The following FAM110B variants were observed in gnomAD, a reference collection of about 807,000 sequenced individuals.
FAM110B encodes protein FAM110B.
FAM110B carries 6 observed loss-of-function variants against 20.4 expected under a neutral mutation model. The ratio of observed to expected loss-of-function variants is 0.29; its 90% CI spans 0.16 to 0.58. FAM110B has a LOEUF of 0.58. Ranked by LOEUF, FAM110B falls within the 20% of genes least tolerant of loss-of-function variation. FAM110B has a pLI of 0.90. For missense variants in FAM110B, 434 were observed against 498.2 expected, an observed-to-expected ratio of 0.87 and a Z score of 1.23; for synonymous variants, 226 against 214.1, an observed-to-expected ratio of 1.06 and a Z score of -0.49.
chr8:58,146,476 G>A lies in FAM110B; in HGVS notation c.246G>A (p.Lys82=). ...CCGTGAAGCCCGCCGTGCTGGCCAA[G>A]CCCCCGGTGTGCCCGGCTGCCAAGC... ...QEPVKPAVLA[K]PPVCPAAKRA... Residue 82 remains lysine (K), a synonymous_variant, in exon 4 of 4, where the codon AAG becomes AAA. Coordinates refer to ENST00000519262, the MANE Select transcript of FAM110B (RefSeq NM_001377989.1). 6.2e-7 allele frequency: 1 copy of A among 1,613,578 alleles called. No homozygotes were observed. Among genetic ancestry groups the A allele is most frequent in the Non-Finnish European group, 8.5e-7 (1 of 1,179,748 alleles).
chr8:58,044,311 C>G (rs947963171), intron 2 of FAM110B, among the ~76,000 whole-genome samples: 3 of 152,306 alleles, frequency 2.0e-5, no homozygotes, highest in African/African-American at 7.2e-5. Context: ...GTCTGTGCAG[C>G]CCTTCAAAAG....
intron 3 of FAM110B, among the ~76,000 whole-genome samples, chr8:58,104,446 G>GA (rs1806860724): frequency 6.6e-6 from 1 of 152,178 alleles, no homozygotes; most frequent in South Asian, 2.1e-4. Context: ...GGAGTGGAGG[G>GA]AAAGGCTGGG....
intron 1 of FAM110B, among the ~76,000 whole-genome samples, chr8:57,996,118 ATTC>A: frequency 6.6e-6 from 1 of 152,226 alleles, no homozygotes; most frequent in South Asian, 2.1e-4. Context: ...AAGCATAGTT[ATTC>A]TAGAATAAAG....
At chr8:58,002,743 T>A (rs1187646734) in intron 1 of FAM110B, among the ~76,000 whole-genome samples, 1 of 152,206 alleles carries the variant, frequency 6.6e-6, no homozygotes. Context: ...AAGAAAACAA[T>A]GTACATACCT....
chr8:58,096,811 G>T (rs1277705500), intron 3 of FAM110B, among the ~76,000 whole-genome samples: 2 of 152,124 alleles, frequency 1.3e-5, no homozygotes, highest in Admixed American at 1.3e-4. Context: ...TGTTTAGTTT[G>T]GTTGGATATG....
intron 3 of FAM110B, among the ~76,000 whole-genome samples, chr8:58,118,613 A>C (rs1424470934): frequency 1.3e-5 from 2 of 152,142 alleles, no homozygotes; most frequent in African/African-American, 4.8e-5. Context: ...TGTGCTAAGG[A>C]GACTGTTTAC....
At chr8:58,027,196 T>C (rs1263221220) in intron 1 of FAM110B, among the ~76,000 whole-genome samples, 4 of 152,238 alleles carry the variant, frequency 2.6e-5, no homozygotes, top group African/African-American at 9.6e-5. Flanking sequence ...TGGAAATCTA[T>C]TGTAAGGTCA....
At chr8:58,132,106 C>G (rs1803486674) in intron 3 of FAM110B, among the ~76,000 whole-genome samples, 1 of 132,464 alleles carries the variant, frequency 7.5e-6, no homozygotes, top group Non-Finnish European at 1.5e-5. Context: ...TTTGAGATCC[C>G]CTTGGAGAAT....
At chr8:58,108,360 A>C (rs1276796149) in intron 3 of FAM110B, among the ~76,000 whole-genome samples, 1 of 152,238 alleles carries the variant, frequency 6.6e-6, no homozygotes, top group African/African-American at 2.4e-5. Context: ...ATAGAGCCTC[A>C]GCCAGCATTG....
At position 58,146,755 on chromosome 8, in the gene FAM110B, G is replaced by C. The variant is rs1381568901; in HGVS notation, c.525G>C (p.Gln175His). The part of the protein sequence containing the change: ...VYPTQGRRSP[Q>H]EGGSHVGRRL... Reference sequence around the variant, plus strand: ...CCACGCAGGGCCGCAGGAGCCCGCAGGAGGGCGGCTCCCACGTGGGCAGGA... The same window carrying C: ...CCACGCAGGGCCGCAGGAGCCCGCACGAGGGCGGCTCCCACGTGGGCAGGA... The change falls in exon 4 of 4, where the codon CAG (glutamine) becomes CAC (histidine). Residue 175 changes from glutamine to histidine, a missense_variant. Transcript: ENST00000519262. 6.2e-7 allele frequency: 1 copy of C among 1,612,062 alleles called. No homozygotes were observed. Among genetic ancestry groups the C allele is most frequent in the Admixed American group, 1.7e-5 (1 of 59,914 alleles).
At chr8:58,145,235 T>A (rs1474798282) in intron 3 of FAM110B, among the ~76,000 whole-genome samples, 1 of 151,996 alleles carries the variant, frequency 6.6e-6, no homozygotes, top group African/African-American at 2.4e-5. Flanking sequence ...TGGGTGGAAC[T>A]CCATACACAT....
At position 58,008,681 on chromosome 8, in the gene FAM110B, C is replaced by G. The variant is rs1237202575; in HGVS notation, c.-512+13875C>G. 4.6e-5 allele frequency among the ~76,000 whole-genome samples: 7 copies of G among 152,192 alleles called. 1 individual carries two copies. The highest frequency in any genetic ancestry group is 1.0e-4 in the Non-Finnish European group (7 of 68,038). Reference sequence around the variant, plus strand: ...CCTGCAATGCTGTGGAACACTAGAACTGATTCCTCCTCTGTAGCTGTAATT... The same window carrying G: ...CCTGCAATGCTGTGGAACACTAGAAGTGATTCCTCCTCTGTAGCTGTAATT... On this transcript the variant is annotated intron_variant, in intron 1 of 3. Coordinates refer to ENST00000519262, the MANE Select transcript of FAM110B (RefSeq NM_001377989.1).
intron 1 of FAM110B, among the ~76,000 whole-genome samples, chr8:57,995,248 C>T (rs1170064000): frequency 6.6e-6 from 1 of 151,998 alleles, no homozygotes; most frequent in Non-Finnish European, 1.5e-5. Context: ...AGGATGGGGA[C>T]TCCGCTCGGC....
In FAM110B at chr8:58,142,018, A is replaced by C. The variant is rs529681774; in HGVS notation, c.-324-3889A>C. Among the ~76,000 whole-genome samples, 16 of 152,318 alleles carry C rather than the reference A, an allele frequency of 1.1e-4. No individual in the cohort carries two copies. The South Asian group carries it at 3.1e-3, about 30-fold the overall frequency. On this transcript the variant is annotated intron_variant, in intron 3 of 3. Coordinates refer to ENST00000519262, the MANE Select transcript of FAM110B (RefSeq NM_001377989.1). Reference sequence around the variant, plus strand: ...TCTCCCCAAGGTTATAGTTCAGCTGAGGGTCCTGTTCACCTGACTGCACCT... The same window carrying C: ...TCTCCCCAAGGTTATAGTTCAGCTGCGGGTCCTGTTCACCTGACTGCACCT...
intron 2 of FAM110B, among the ~76,000 whole-genome samples, chr8:58,043,868 G>T (rs1369997986): frequency 1.3e-5 from 2 of 152,126 alleles, no homozygotes; most frequent in Non-Finnish European, 2.9e-5. Context: ...TTTGATTAGG[G>T]TCACACAAGC....
intron 3 of FAM110B, among the ~76,000 whole-genome samples, chr8:58,120,700 A>G (rs1401576314): frequency 1.3e-5 from 2 of 152,222 alleles, no homozygotes; most frequent in Non-Finnish European, 2.9e-5. Flanking sequence ...TTGATTTATT[A>G]CCCAAGAGTT....
At chr8:58,082,209 A>G (rs1348717047) in intron 3 of FAM110B, among the ~76,000 whole-genome samples, 1 of 152,202 alleles carries the variant, frequency 6.6e-6, no homozygotes, top group African/African-American at 2.4e-5. Flanking sequence ...CCTTTGTGAA[A>G]ATAAAAATTT....
At chr8:58,027,109 T>C (rs992947356) in intron 1 of FAM110B, among the ~76,000 whole-genome samples, 1 of 152,186 alleles carries the variant, frequency 6.6e-6, no homozygotes, top group Non-Finnish European at 1.5e-5. Flanking sequence ...TCTCCATGGA[T>C]TATCAAGAGT....
chr8:58,135,548 T>C (rs1476180908), intron 3 of FAM110B, among the ~76,000 whole-genome samples: 1 of 152,264 alleles, frequency 6.6e-6, no homozygotes, highest in African/African-American at 2.4e-5. Context: ...TAAGGCTGTT[T>C]ACTAGAAATT....
Sources: allele counts gnomAD v4.1 joint callset (sites outside exome capture counted in the v4.1 genomes callset), GRCh38; gene constraint gnomAD v4.1.1; transcripts MANE v1.5; gene names NCBI Gene and HGNC (gene_info 2026-07-23, HGNC 2026-07-21).